Variants in MPPED2 observed in about 807,000 individuals in gnomAD.
The protein encoded by MPPED2 is metallophosphoesterase domain containing 2, also known as metallophosphoesterase MPPED2.
Under a neutral mutation model 33.0 loss-of-function variants are expected in MPPED2, and 5 were observed. The ratio of observed to expected loss-of-function variants is 0.15; its 90% CI spans 0.08 to 0.32. The LOEUF (loss-of-function observed/expected upper bound fraction) is 0.32, where lower values mean the gene tolerates loss of function less well. Ranked by LOEUF, MPPED2 falls within the 10% of genes least tolerant of loss-of-function variation. The pLI, the probability that MPPED2 is intolerant of heterozygous loss-of-function variation, is 1.00. For missense variants in MPPED2, 275 were observed against 372.1 expected, an observed-to-expected ratio of 0.74 and a Z score of 2.15; for synonymous variants, 136 against 141.9, an observed-to-expected ratio of 0.96 and a Z score of 0.29.
intron 6 of MPPED2, among the ~76,000 whole-genome samples, chr11:30,401,789 A>G (rs1007416643): frequency 6.6e-6 from 1 of 151,906 alleles, no homozygotes; most frequent in Non-Finnish European, 1.5e-5. Flanking sequence ...GGTTCACACC[A>G]TTCTCCTGCC....
intron 2 of MPPED2, among the ~76,000 whole-genome samples, chr11:30,574,741 A>G (rs1331782345): frequency 6.6e-6 from 1 of 152,202 alleles, no homozygotes; most frequent in Non-Finnish European, 1.5e-5. Flanking sequence ...GGCCAGGCAT[A>G]AGGACTTGGA....
At chr11:30,536,842 T>C (rs905180699) in intron 2 of MPPED2, among the ~76,000 whole-genome samples, 1 of 151,958 alleles carries the variant, frequency 6.6e-6, no homozygotes, top group Non-Finnish European at 1.5e-5. Context: ...TCGTTTTTAC[T>C]GCGATGAATT....
chr11:30,497,992 C>T (rs1156838477), intron 3 of MPPED2, among the ~76,000 whole-genome samples: 2 of 152,034 alleles, frequency 1.3e-5, no homozygotes, highest in African/African-American at 4.8e-5. Flanking sequence ...CTATAATCTG[C>T]CAACCTTTAT....
At chr11:30,524,410 C>T (rs1487998163) in intron 3 of MPPED2, among the ~76,000 whole-genome samples, 2 of 152,110 alleles carry the variant, frequency 1.3e-5, no homozygotes, top group Non-Finnish European at 2.9e-5. Flanking sequence ...GCTCTGAATA[C>T]CACAGTAGAC....
chr11:30,567,779 C>T (rs1255042500), intron 2 of MPPED2, among the ~76,000 whole-genome samples: 1 of 152,160 alleles, frequency 6.6e-6, no homozygotes, highest in Admixed American at 6.5e-5. Context: ...TTCACCCAAG[C>T]AAATTCCACA....
intron 4 of MPPED2, among the ~76,000 whole-genome samples, chr11:30,420,927 C>T (rs566988065): frequency 1.8e-4 from 27 of 152,252 alleles, no homozygotes; most frequent in African/African-American, 6.0e-4. Flanking sequence ...AACAAAAAGG[C>T]AACTTCGAAA....
rs1050532262 is a variant in MPPED2, at chr11:30,400,378, A to G, written c.767-11422T>C. On this transcript the variant is annotated intron_variant, in intron 6 of 6. Transcript: ENST00000448418. ...AATGTGGACCACTGCACCTGGCTCT[A>G]TGGAGAGTATTTTAAGTGCCTTAAT... Among the ~76,000 whole-genome samples, 5 of 152,316 alleles carry G rather than the reference A, an allele frequency of 3.3e-5. No individual in the cohort carries two copies. In the East Asian group the frequency reaches 7.7e-4, roughly 24 times the overall value.
chr11:30,413,327 G>A (rs1352098952), intron 6 of MPPED2, among the ~76,000 whole-genome samples: 1 of 152,230 alleles, frequency 6.6e-6, no homozygotes, highest in African/African-American at 2.4e-5. Context: ...AGGAGCTAGA[G>A]AGAATATAGC....
chr11:30,400,101 G>C (rs1947889673), intron 6 of MPPED2, among the ~76,000 whole-genome samples: 1 of 152,128 alleles, frequency 6.6e-6, no homozygotes, highest in African/African-American at 2.4e-5. Flanking sequence ...ATTTCTTAGA[G>C]ATAGGATCTT....
intron 3 of MPPED2, among the ~76,000 whole-genome samples, chr11:30,496,066 G>T (rs1009339581): frequency 6.6e-6 from 1 of 152,038 alleles, no homozygotes; most frequent in South Asian, 2.1e-4. Flanking sequence ...TTCCTTTTTG[G>T]GTTGTGAATA....
chr11:30,521,376 T>C (rs916359083), intron 3 of MPPED2, among the ~76,000 whole-genome samples: 3 of 152,192 alleles, frequency 2.0e-5, no homozygotes, highest in East Asian at 1.9e-4. Flanking sequence ...CAAACGCCTT[T>C]GTAAGGGCCA....
At chr11:30,415,463 C>A (rs1268941606) in intron 5 of MPPED2, among the ~76,000 whole-genome samples, 2 of 152,148 alleles carry the variant, frequency 1.3e-5, no homozygotes, top group Non-Finnish European at 2.9e-5. Flanking sequence ...TTGCTTATAC[C>A]ATAACAGTGA....
intron 4 of MPPED2, among the ~76,000 whole-genome samples, chr11:30,442,568 T>C (rs1324157680): frequency 6.6e-6 from 1 of 152,230 alleles, no homozygotes; most frequent in Admixed American, 6.5e-5. Flanking sequence ...CAAATATTAC[T>C]GAGCATTCAC....
At chr11:30,530,473 G>A (rs940790710) in intron 3 of MPPED2, among the ~76,000 whole-genome samples, 57 of 152,222 alleles carry the variant, frequency 3.7e-4, no homozygotes, top group Admixed American at 2.4e-3. Context: ...CATAGCCATG[G>A]GAAGGGATGC....
intron 2 of MPPED2, among the ~76,000 whole-genome samples, chr11:30,543,097 A>T (rs1157660400): frequency 6.6e-6 from 1 of 152,188 alleles, no homozygotes; most frequent in East Asian, 1.9e-4. Flanking sequence ...AAGTTTACCA[A>T]AAAAATAAAA....
rs184136962 is a variant in MPPED2, at chr11:30,524,206, T to C, written c.310+11788A>G. Among the ~76,000 whole-genome samples the C allele has an allele frequency of 2.3e-3, 349 of 152,174 alleles. 1 individual carries two copies. In the Middle Eastern group the frequency reaches 0.027, roughly 12 times the overall value. ...AGGCGGAGGTTGCAGTGAGCTGAGA[T>C]AGCGCCATTGCACTCCAGCCTGGGC... On this transcript the variant is annotated intron_variant, in intron 3 of 6. Coordinates refer to ENST00000358117, the MANE Select transcript of MPPED2 (RefSeq NM_001584.3).
At position 30,410,900 on chromosome 11, in the gene MPPED2, C is replaced by A. The variant is rs1948077121; in HGVS notation, c.*568G>T. On this transcript the variant is annotated 3_prime_UTR_variant, in exon 7 of 7. Coordinates refer to ENST00000358117, the MANE Select transcript of MPPED2 (RefSeq NM_001584.3). ...AGTTAAACCATCCTTTAAATGACAG[C>A]CATTTTCTTCTCAATGCAGCTTTCT... 2 of 985,590 alleles carry A rather than the reference C, an allele frequency of 2.0e-6. No individual in the cohort carries two copies. Among genetic ancestry groups the A allele is most frequent in the African/African-American group, 1.7e-5 (1 of 57,222 alleles). 61.1% of individuals were successfully genotyped at this position (985,590 alleles called of 1,614,324 possible).
At chr11:30,442,183 T>G (rs1949606584) in intron 4 of MPPED2, among the ~76,000 whole-genome samples, 1 of 152,022 alleles carries the variant, frequency 6.6e-6, no homozygotes, top group Non-Finnish European at 1.5e-5. Flanking sequence ...AAGAAGAAAA[T>G]TCTGAAACTC....
chr11:30,541,491 G>T (rs12361781), intron 2 of MPPED2, among the ~76,000 whole-genome samples: 1 of 152,066 alleles, frequency 6.6e-6, no homozygotes, highest in Non-Finnish European at 1.5e-5. Context: ...TTCAGTGAGA[G>T]AATAGAACTG....
Sources: gnomAD v4.1 joint callset for allele counts (sites outside exome capture counted in the v4.1 genomes callset) on GRCh38, gnomAD v4.1.1 for gene constraint, MANE v1.5 for transcripts, NCBI Gene and HGNC (gene_info 2026-07-23, HGNC 2026-07-21) for gene names.